SYNDIG1: variants seen among roughly 807,000 people sequenced by gnomAD.
SYNDIG1 encodes the protein synapse differentiation-inducing gene protein 1.
Under a neutral mutation model 19.4 loss-of-function variants are expected in SYNDIG1, and 9 were observed. The ratio of observed to expected loss-of-function variants is 0.46; its 90% CI spans 0.28 to 0.81. SYNDIG1 has a LOEUF of 0.81. Among genes scored for constraint, SYNDIG1 ranks in the 30% least tolerant of loss-of-function variants. The pLI, the probability that SYNDIG1 is intolerant of heterozygous loss-of-function variation, is 0.12. For synonymous variants in SYNDIG1, 141 were observed against 145.9 expected, an observed-to-expected ratio of 0.97 and a Z score of 0.24; for missense variants, 311 against 343.3, an observed-to-expected ratio of 0.91 and a Z score of 0.74.
At chr20:24,488,303 T>C (rs2056028116) in intron 1 of SYNDIG1, among the ~76,000 whole-genome samples, 1 of 152,204 alleles carries the variant, frequency 6.6e-6, no homozygotes. Flanking sequence ...GGCACTGCAT[T>C]CACAGTGAAC....
chr20:24,605,569 G>T (rs1333972585), intron 3 of SYNDIG1, among the ~76,000 whole-genome samples: 2 of 152,100 alleles, frequency 1.3e-5, no homozygotes, highest in Non-Finnish European at 2.9e-5. Flanking sequence ...AGACAAATCA[G>T]ATTTCTTATG....
chr20:24,620,767 G>A (rs1170902293), intron 3 of SYNDIG1, among the ~76,000 whole-genome samples: 2 of 152,110 alleles, frequency 1.3e-5, no homozygotes, highest in Non-Finnish European at 2.9e-5. Context: ...TACACATAAC[G>A]TATTTGTATT....
chr20:24,626,638 G>T (rs1419796910), intron 3 of SYNDIG1, among the ~76,000 whole-genome samples: 2 of 152,330 alleles, frequency 1.3e-5, no homozygotes, highest in East Asian at 3.9e-4. Context: ...ACGATGGGCG[G>T]CCAGGCAGAG....
At position 24,642,931 on chromosome 20, in the gene SYNDIG1, G is replaced by T. The variant is rs781566385; in HGVS notation, c.619-22415G>T. The stretch of plus-strand genomic sequence containing the variant: ...TGACAAAGCTAGGAAATAAATGTAT[G>T]TATCCTCATGCCATTACTGTTAGGT... On this transcript the variant is annotated intron_variant, in intron 3 of 3. Coordinates refer to ENST00000376862, the MANE Select transcript of SYNDIG1 (RefSeq NM_024893.3). Among the ~76,000 whole-genome samples, 109 of 152,128 alleles carry T rather than the reference G, an allele frequency of 7.2e-4. 2 individuals carry two copies. Among genetic ancestry groups the T allele is most frequent in the Non-Finnish European group, 1.3e-4 (9 of 68,028 alleles).
At chr20:24,571,314 G>GTTA (rs1375834551) in intron 2 of SYNDIG1, among the ~76,000 whole-genome samples, 1 of 152,180 alleles carries the variant, frequency 6.6e-6, no homozygotes, top group African/African-American at 2.4e-5. Flanking sequence ...AGTCAGAAGT[G>GTTA]TTATACCAAT....
intron 2 of SYNDIG1, among the ~76,000 whole-genome samples, chr20:24,554,851 A>G (rs989162946): frequency 3.2e-4 from 48 of 151,412 alleles, no homozygotes; most frequent in Non-Finnish European, 5.5e-4. Flanking sequence ...CTCTTTTTCT[A>G]TTGATTGGAA....
intron 3 of SYNDIG1, among the ~76,000 whole-genome samples, chr20:24,622,471 G>A (rs1046381144): frequency 2.0e-5 from 3 of 152,232 alleles, no homozygotes; most frequent in African/African-American, 7.2e-5. Flanking sequence ...CACACAGCAG[G>A]AGGTGAGTGG....
intron 2 of SYNDIG1, among the ~76,000 whole-genome samples, chr20:24,575,997 G>A (rs1338389364): frequency 2.0e-5 from 3 of 152,130 alleles, no homozygotes; most frequent in African/African-American, 7.2e-5. Flanking sequence ...AGAGCACAGT[G>A]AGAAACCACT....
At chr20:24,619,337 G>T (rs1008616532) in intron 3 of SYNDIG1, among the ~76,000 whole-genome samples, 21 of 152,170 alleles carry the variant, frequency 1.4e-4, no homozygotes, top group African/African-American at 5.1e-4. Context: ...CTGAAGAGTG[G>T]GGACCCAGGG....
At chr20:24,487,795 T>C (rs1354569937) in intron 1 of SYNDIG1, among the ~76,000 whole-genome samples, 1 of 152,108 alleles carries the variant, frequency 6.6e-6, no homozygotes, top group Admixed American at 6.6e-5. Context: ...TTGCCACAGC[T>C]CCCGTCAAGA....
chr20:24,628,984 G>T (rs566109404), intron 3 of SYNDIG1, among the ~76,000 whole-genome samples: 1 of 152,332 alleles, frequency 6.6e-6, no homozygotes, highest in Non-Finnish European at 1.5e-5. Context: ...ATGATTTTGA[G>T]GGCATAGTGA....
intron 3 of SYNDIG1, among the ~76,000 whole-genome samples, chr20:24,619,795 C>G (rs1186352251): frequency 6.6e-6 from 1 of 152,204 alleles, no homozygotes; most frequent in Non-Finnish European, 1.5e-5. Flanking sequence ...TCCCAGACCC[C>G]ATGTGGCATG....
At chr20:24,496,573 G>A (rs1476325853) in intron 1 of SYNDIG1, among the ~76,000 whole-genome samples, 1 of 152,174 alleles carries the variant, frequency 6.6e-6, no homozygotes, top group Non-Finnish European at 1.5e-5. Context: ...TGTAATGCAG[G>A]GCAAGATACT....
rs113199999 is a variant in SYNDIG1 at position 24,659,633 on chromosome 20, G to A, written c.619-5713G>A. On this transcript the variant is annotated intron_variant, in intron 3 of 3. Transcript: ENST00000376862. ...TTAAAACAGTGACGGGTGATGAAAC[G>A]GCCACTGCAAATACAACCAGAGAGA... Among the ~76,000 whole-genome samples, 8 of 152,290 alleles carry A rather than the reference G, an allele frequency of 5.3e-5. 1 individual carries two copies. The highest frequency in any genetic ancestry group is 1.7e-4 in the African/African-American group (7 of 41,562).
chr20:24,492,974 C>G (rs2146321461), intron 1 of SYNDIG1, among the ~76,000 whole-genome samples: 1 of 152,348 alleles, frequency 6.6e-6, no homozygotes, highest in South Asian at 2.1e-4. Context: ...GCTAATTTCA[C>G]TAATGACTGG....
At chr20:24,512,708 T>C (rs1568599541) in intron 1 of SYNDIG1, among the ~76,000 whole-genome samples, 3 of 152,172 alleles carry the variant, frequency 2.0e-5, no homozygotes, top group Admixed American at 6.5e-5. Flanking sequence ...GGGCAGGGCA[T>C]AGTCGAACAA....
intron 1 of SYNDIG1, among the ~76,000 whole-genome samples, chr20:24,532,229 A>G (rs762919685): frequency 6.6e-6 from 1 of 152,220 alleles, no homozygotes; most frequent in Non-Finnish European, 1.5e-5. Context: ...AAGGATAGCA[A>G]CCACCATTTC....
chr20:24,479,026 T>C (rs2055715869), intron 1 of SYNDIG1, among the ~76,000 whole-genome samples: 1 of 152,248 alleles, frequency 6.6e-6, no homozygotes, highest in South Asian at 2.1e-4. Context: ...TGCCCAGAAA[T>C]GCTGATCTTC....
intron 2 of SYNDIG1, among the ~76,000 whole-genome samples, chr20:24,577,222 A>T (rs2058243966): frequency 6.6e-6 from 1 of 152,046 alleles, no homozygotes; most frequent in Non-Finnish European, 1.5e-5. Flanking sequence ...TTCTCAGGAG[A>T]TGTCTGTGGT....
Sources: allele counts gnomAD v4.1 joint callset (sites outside exome capture counted in the v4.1 genomes callset), GRCh38; gene constraint gnomAD v4.1.1; transcripts MANE v1.5; gene names NCBI Gene and HGNC (gene_info 2026-07-23, HGNC 2026-07-21).